Variants in UBE3D observed in about 807,000 individuals in gnomAD.
The protein encoded by UBE3D is ubiquitin protein ligase E3D.
In UBE3D, 48 loss-of-function variants were observed where a neutral mutation model predicts 49.6. That is an observed-to-expected ratio of 0.97 (90% CI 0.77 to 1.23). The LOEUF is 1.23. Ranked by LOEUF, UBE3D falls within the 50% of genes most tolerant of loss-of-function variation. The probability of loss-of-function intolerance (pLI) is 0.00; values close to 1 mark genes in which losing one functional copy is unlikely to be tolerated. For synonymous variants in UBE3D, 189 were observed against 174.2 expected (o/e 1.08, Z -0.67); for missense variants, 452 against 468.4 (o/e 0.96, Z 0.32).
At chr6:83,013,519 C>A (rs747656187) in intron 8 of UBE3D, among the ~76,000 whole-genome samples, 1 of 152,168 alleles carries the variant, frequency 6.6e-6, no homozygotes, top group Admixed American at 6.5e-5. Context: ...CTGTTCTGGA[C>A]TCCACCCAAA....
At chr6:83,037,345 T>C (rs1782335314) in intron 5 of UBE3D, 1 of 152,234 alleles carries the variant, frequency 6.6e-6, no homozygotes, top group Admixed American at 6.5e-5. Flanking sequence ...CCATTTCTCT[T>C]TGCCTTTGTA....
chr6:82,982,853 A>T (rs1331048645), intron 8 of UBE3D, among the ~76,000 whole-genome samples: 3 of 152,206 alleles, frequency 2.0e-5, no homozygotes, highest in Non-Finnish European at 4.4e-5. Flanking sequence ...TCCCCTAATC[A>T]CATATTTGGT....
At chr6:83,013,953 C>T (rs1028301754) in intron 8 of UBE3D, among the ~76,000 whole-genome samples, 2 of 152,164 alleles carry the variant, frequency 1.3e-5, no homozygotes, top group African/African-American at 2.4e-5. Context: ...TTGATATACC[C>T]CTGAGGTAGG....
chr6:83,003,241 C>T (rs1779752478), intron 8 of UBE3D, among the ~76,000 whole-genome samples: 1 of 152,124 alleles, frequency 6.6e-6, no homozygotes. Flanking sequence ...CCATCCTCTA[C>T]CCAATCCCAG....
At chr6:83,026,185 T>C (rs1189404492) in intron 5 of UBE3D, among the ~76,000 whole-genome samples, 2 of 151,992 alleles carry the variant, frequency 1.3e-5, no homozygotes, top group East Asian at 1.9e-4. Flanking sequence ...CAGTGGCTCA[T>C]ACTTAATCCC....
chr6:82,976,645 C>G (rs1015379688), intron 8 of UBE3D, among the ~76,000 whole-genome samples: 12 of 152,112 alleles, frequency 7.9e-5, no homozygotes. Flanking sequence ...TAATTGCCAG[C>G]TGGTGGTTTT....
intron 9 of UBE3D, among the ~76,000 whole-genome samples, chr6:82,948,190 A>G (rs1372235808): frequency 6.6e-6 from 1 of 152,006 alleles, no homozygotes; most frequent in African/African-American, 2.4e-5. Context: ...GAGATGAAAA[A>G]GGAGAAATTA....
intron 8 of UBE3D, among the ~76,000 whole-genome samples, chr6:82,971,830 T>C (rs1053206825): frequency 1.3e-5 from 2 of 152,216 alleles, no homozygotes; most frequent in Non-Finnish European, 2.9e-5. Flanking sequence ...AATATTGATA[T>C]TACTGGTATT....
rs770696917 is a variant in UBE3D, at chr6:83,022,513, G to T, written c.786C>A (p.Ser262=). 6.7e-5 allele frequency: 107 copies of T among 1,606,504 alleles called. No individual in the cohort carries two copies. The South Asian group carries it at 1.2e-3, about 18-fold the overall frequency. The change falls in exon 7 of 10, where the codon TCC becomes TCA. Residue 262 remains serine, a synonymous_variant. Coordinates refer to ENST00000369747, the MANE Select transcript of UBE3D (RefSeq NM_198920.3). ...SVIAQCLVQL[S]SARSTFRFTI... ...TGAATCTAAAAGTGCTTCTAGCAGA[G>T]GAGAGCTGCACCAGACACTGGGCGA...
At chr6:82,929,488 T>C (rs1342803023) in intron 9 of UBE3D, among the ~76,000 whole-genome samples, 1 of 152,220 alleles carries the variant, frequency 6.6e-6, no homozygotes, top group Non-Finnish European at 1.5e-5. Context: ...AAAGTGTTTT[T>C]GAAAATTCCT....
intron 8 of UBE3D, among the ~76,000 whole-genome samples, chr6:83,007,918 C>G (rs1780088691): frequency 6.6e-6 from 1 of 151,654 alleles, no homozygotes; most frequent in Non-Finnish European, 1.5e-5. Context: ...ACACTCCAGC[C>G]TGGGTGACAA....
At chr6:83,032,448 A>T in intron 5 of UBE3D, 2 of 357,290 alleles carry the variant, frequency 5.6e-6, no homozygotes, top group South Asian at 4.1e-5. Context: ...TATTTACCCA[A>T]TGCCTGTACC....
chr6:82,969,566 C>G (rs1204818578), intron 8 of UBE3D, among the ~76,000 whole-genome samples: 1 of 152,006 alleles, frequency 6.6e-6, no homozygotes, highest in African/African-American at 2.4e-5. Flanking sequence ...CAAGATCATC[C>G]CACTGCACTC....
intron 3 of UBE3D, among the ~76,000 whole-genome samples, chr6:83,047,905 A>ACC (rs1783179432): frequency 6.6e-6 from 1 of 151,574 alleles, no homozygotes; most frequent in African/African-American, 2.4e-5. Context: ...ACACGGTGAA[A>ACC]CCCCGTCTCT....
intron 9 of UBE3D, among the ~76,000 whole-genome samples, chr6:82,944,890 G>A (rs1027754951): frequency 3.9e-5 from 6 of 152,224 alleles, no homozygotes; most frequent in African/African-American, 1.4e-4. Context: ...GTGGAAAGGG[G>A]AGGGAAGAGT....
At chr6:82,902,407 G>C (rs956546080) in intron 9 of UBE3D, among the ~76,000 whole-genome samples, 2 of 152,154 alleles carry the variant, frequency 1.3e-5, no homozygotes, top group Non-Finnish European at 2.9e-5. Flanking sequence ...TGGCTAAATT[G>C]TTGTACAGCC....
chr6:83,009,510 T>TA (rs1227845374), intron 8 of UBE3D, among the ~76,000 whole-genome samples: 5 of 149,438 alleles, frequency 3.3e-5, no homozygotes, highest in African/African-American at 1.2e-4. Flanking sequence ...GAAAGAGAGG[T>TA]ACCAAACTTA....
At chr6:82,896,438 C>G (rs159050) in intron 9 of UBE3D, among the ~76,000 whole-genome samples, 61,174 of 151,760 alleles carry the variant, frequency 0.4, 16,256 homozygotes, top group African/African-American at 0.75. Flanking sequence ...AACCTTTCCT[C>G]TCGGTTATAA....
rs150766006 is a variant in UBE3D, at chr6:83,015,086, G to A, written c.1010+3887C>T. Among the ~76,000 whole-genome samples the A allele has an allele frequency of 3.4e-3, 522 of 152,182 alleles. 4 individuals carry two copies. The highest frequency in any genetic ancestry group is 0.012 in the African/African-American group (486 of 41,530). ...GCCACAACTTGGCCACTGCCACCTC[G>A]GGATACAATTATTCCAATTGCATTT... On this transcript the variant is annotated intron_variant, in intron 8 of 9. Transcript: ENST00000369747.
Sources: gnomAD v4.1 joint callset for allele counts (sites outside exome capture counted in the v4.1 genomes callset) on GRCh38, gnomAD v4.1.1 for gene constraint, MANE v1.5 for transcripts, NCBI Gene and HGNC (gene_info 2026-07-23, HGNC 2026-07-21) for gene names.